CCDC141: variants seen among roughly 807,000 people sequenced by gnomAD.
The protein encoded by CCDC141 is coiled-coil domain containing 141, also known as coiled-coil domain-containing protein 141.
Under a neutral mutation model 181.0 loss-of-function variants are expected in CCDC141, and 168 were observed. That is an observed-to-expected ratio of 0.93 (90% confidence interval 0.82 to 1.05). CCDC141 has a LOEUF of 1.05. Ranked by LOEUF, CCDC141 falls within the 50% of genes least tolerant of loss-of-function variation. The probability of loss-of-function intolerance (pLI) is 0.00; values close to 1 mark genes in which losing one functional copy is unlikely to be tolerated. For synonymous variants in CCDC141, 666 were observed against 642.3 expected, an observed-to-expected ratio of 1.04 and a Z score of -0.56; for missense variants, 1,902 against 1,788.5, an observed-to-expected ratio of 1.06 and a Z score of -1.14.
intron 14 of CCDC141, 35 bp downstream of exon 14, chr2:178,871,392 T>G: frequency 6.3e-7 from 1 of 1,594,202 alleles, no homozygotes; most frequent in Non-Finnish European, 8.5e-7. Context: ...AAGTATTTTT[T>G]CCATTCACCC....
At chr2:179,014,632 A>C (rs938539638) in intron 2 of CCDC141, among the ~76,000 whole-genome samples, 1 of 152,162 alleles carries the variant, frequency 6.6e-6, no homozygotes, top group African/African-American at 2.4e-5. Flanking sequence ...CACAATTCTC[A>C]AAAGAAGATA....
chr2:178,949,566 T>G (rs911257376), intron 5 of CCDC141, among the ~76,000 whole-genome samples: 58 of 152,324 alleles, frequency 3.8e-4, no homozygotes, highest in African/African-American at 1.4e-3. Flanking sequence ...TAGGCTATAT[T>G]TATGAATGTT....
intron 5 of CCDC141, among the ~76,000 whole-genome samples, chr2:178,958,592 C>T (rs146656725): frequency 1.2e-4 from 19 of 152,278 alleles, no homozygotes; most frequent in African/African-American, 3.6e-4. Context: ...CCTTACTTTA[C>T]TTATTAGCAA....
intron 6 of CCDC141, among the ~76,000 whole-genome samples, chr2:178,921,743 C>G (rs995974341): frequency 3.9e-5 from 6 of 152,156 alleles, no homozygotes; most frequent in African/African-American, 9.7e-5. Flanking sequence ...CGTTCTATAG[C>G]TAAGAGCAGC....
At position 178,832,997 on chromosome 2, in the gene CCDC141, C is replaced by T. The variant is rs1022987179; in HGVS notation, c.*1176G>A. On this transcript the variant is annotated 3_prime_UTR_variant, in exon 24 of 24. Transcript: ENST00000443758. ...GAATTCATCTCATACCATTCTATTA[C>T]GTTTCCCCCTAGAACAAACAAAATG... The T allele has an allele frequency of 1.3e-5, 2 of 152,076 alleles. No homozygotes were observed. The highest frequency in any genetic ancestry group is 6.6e-5 in the Admixed American group (1 of 15,250). 9.4% of individuals were successfully genotyped at this position (152,076 alleles called of 1,614,324 possible).
intron 2 of CCDC141, among the ~76,000 whole-genome samples, chr2:179,000,882 A>G (rs2041950488): frequency 6.6e-6 from 1 of 152,230 alleles, no homozygotes; most frequent in African/African-American, 2.4e-5. Context: ...ATCATAATAG[A>G]TTAAAATTGT....
the CCDC141 span, among the ~76,000 whole-genome samples, chr2:178,815,135 T>G: frequency 3.3e-5 from 5 of 152,280 alleles, no homozygotes; most frequent in South Asian, 6.2e-4. Flanking sequence ...AAGTTTAAGT[T>G]GCCCAGTCTG....
At chr2:178,817,532 A>G in the CCDC141 span, 1 of 470,982 alleles carries the variant, frequency 2.1e-6, no homozygotes, top group Non-Finnish European at 4.4e-6. Flanking sequence ...CTACTTCAGT[A>G]TCTCCAGGTA....
At chr2:178,922,942 C>A (rs1019399953) in intron 6 of CCDC141, among the ~76,000 whole-genome samples, 1 of 152,184 alleles carries the variant, frequency 6.6e-6, no homozygotes, top group African/African-American at 2.4e-5. Flanking sequence ...TTAAATGAAG[C>A]TGGGTCCATT....
At chr2:178,936,355 C>T (rs1296102486) in intron 6 of CCDC141, among the ~76,000 whole-genome samples, 1 of 152,052 alleles carries the variant, frequency 6.6e-6, no homozygotes, top group Admixed American at 6.6e-5. Flanking sequence ...AATAGGGAGT[C>T]TTTACCCTAT....
At chr2:179,035,870 C>T (rs912022274) in intron 2 of CCDC141, among the ~76,000 whole-genome samples, 2 of 152,232 alleles carry the variant, frequency 1.3e-5, no homozygotes, top group African/African-American at 4.8e-5. Flanking sequence ...GATCCCACTT[C>T]TCAGGAGGAG....
chr2:179,004,794 G>T (rs547177321), intron 2 of CCDC141, among the ~76,000 whole-genome samples: 1 of 152,078 alleles, frequency 6.6e-6, no homozygotes, highest in Non-Finnish European at 1.5e-5. Flanking sequence ...GCAGTGGCAC[G>T]ATCTTGGCTA....
intron 4 of CCDC141, among the ~76,000 whole-genome samples, chr2:178,970,124 A>G (rs1690816881): frequency 6.6e-6 from 1 of 152,222 alleles, no homozygotes; most frequent in African/African-American, 2.4e-5. Flanking sequence ...ATAAGAGAGG[A>G]CACAAACAAA....
chr2:178,980,654 T>C (rs1691336148), intron 2 of CCDC141, among the ~76,000 whole-genome samples: 1 of 152,094 alleles, frequency 6.6e-6, no homozygotes, highest in Admixed American at 6.5e-5. Flanking sequence ...ATAAGAATAA[T>C]AAGACTCAAG....
At position 178,834,451 on chromosome 2, in the gene CCDC141, G is replaced by C. The variant is rs1332194458; in HGVS notation, c.4326-11C>G. ...TGGCCCTTCTTGTACCTGAAGCAGA[G>C]AGGCAGTTTTTAAAGTCAGGATTGC... is the stretch of plus-strand genomic sequence containing the variant. On this transcript the variant is annotated splice_polypyrimidine_tract_variant and intron_variant, in intron 23 of 23. Transcript: ENST00000443758. 3 of 1,533,970 alleles carry C rather than the reference G, an allele frequency of 2.0e-6. No individual in the cohort carries two copies. The highest frequency in any genetic ancestry group is 4.9e-5 in the East Asian group (2 of 40,854).
chr2:179,015,943 C>CATATATATCTCATATATATCAT (rs1389180770), intron 2 of CCDC141, among the ~76,000 whole-genome samples: 5,246 of 136,728 alleles, frequency 0.038, 163 homozygotes, highest in African/African-American at 0.052. Flanking sequence ...TCATATATAT[C>CATATATATCTCATATATATCAT]ATATATATCT....
At chr2:178,957,163 G>A (rs562474874) in intron 5 of CCDC141, among the ~76,000 whole-genome samples, 3 of 152,284 alleles carry the variant, frequency 2.0e-5, no homozygotes, top group East Asian at 3.9e-4. Flanking sequence ...GTGAGCCACC[G>A]GGCCTGGCCG....
chr2:178,867,391 A>G (rs897794657), intron 16 of CCDC141, among the ~76,000 whole-genome samples: 1 of 152,244 alleles, frequency 6.6e-6, no homozygotes, highest in African/African-American at 2.4e-5. Flanking sequence ...TAATTTTTAT[A>G]ATACAATAAC....
chr2:178,824,061 A>AACACACACAAACACACACACACACAC, the CCDC141 span, among the ~76,000 whole-genome samples: 19 of 147,520 alleles, frequency 1.3e-4, no homozygotes, highest in African/African-American at 4.7e-4. Flanking sequence ...TACAGAGAAA[A>AACACACACAAACACACACACACACAC]ACACACACAC....
Sources: gnomAD v4.1 joint callset for allele counts (sites outside exome capture counted in the v4.1 genomes callset) on GRCh38, gnomAD v4.1.1 for gene constraint, MANE v1.5 for transcripts, NCBI Gene and HGNC (gene_info 2026-07-23, HGNC 2026-07-21) for gene names.